The following PTPRN2 variants were observed in gnomAD, a reference collection of about 807,000 sequenced individuals.
PTPRN2 encodes receptor-type tyrosine-protein phosphatase N2.
In PTPRN2, 74 loss-of-function variants were observed where a neutral mutation model predicts 118.8. That is an observed-to-expected ratio of 0.62 (90% CI 0.52 to 0.76). The LOEUF is 0.76. PTPRN2 is among the 30% of genes least tolerant of loss of function. PTPRN2 has a pLI of 0.00. For missense variants in PTPRN2, 1,481 were observed against 1,394.4 expected (o/e 1.06, Z -0.99); for synonymous variants, 641 against 608.0 (o/e 1.05, Z -0.80).
At chr7:158,059,798 C>T (rs1240899310) in intron 11 of PTPRN2, among the ~76,000 whole-genome samples, 3 of 130,406 alleles carry the variant, frequency 2.3e-5, no homozygotes, top group South Asian at 2.7e-4. Context: ...CATCTGCCCA[C>T]GGTGAGACAT....
intron 2 of PTPRN2, among the ~76,000 whole-genome samples, chr7:158,328,271 C>G (rs1046539698): frequency 6.6e-6 from 1 of 152,226 alleles, no homozygotes; most frequent in African/African-American, 2.4e-5. Context: ...CACTGGCTCA[C>G]CACACACCCA....
intron 11 of PTPRN2, among the ~76,000 whole-genome samples, chr7:158,049,622 G>A (rs767576615): frequency 6.6e-5 from 10 of 152,310 alleles, no homozygotes; most frequent in Admixed American, 3.3e-4. Context: ...ACCTGAGGCC[G>A]GGCGCAGGGG....
chr7:158,181,445 G>A (rs1311859662), intron 5 of PTPRN2, among the ~76,000 whole-genome samples: 1 of 152,130 alleles, frequency 6.6e-6, no homozygotes, highest in Non-Finnish European at 1.5e-5. Flanking sequence ...GAGTGATACT[G>A]GCTTCATAGA....
intron 21 of PTPRN2, among the ~76,000 whole-genome samples, chr7:157,549,792 C>T (rs908761730): frequency 2.6e-5 from 4 of 152,296 alleles, no homozygotes; most frequent in South Asian, 2.1e-4. Context: ...AGGACACAGC[C>T]GCCAGGATGA....
chr7:157,631,785 T>C (rs1803969915), intron 14 of PTPRN2, among the ~76,000 whole-genome samples: 2 of 151,686 alleles, frequency 1.3e-5, no homozygotes, highest in Admixed American at 1.3e-4. Flanking sequence ...TGAGCCGAGA[T>C]TGTGCCACTG....
intron 3 of PTPRN2, among the ~76,000 whole-genome samples, chr7:158,269,719 A>G (rs1367218021): frequency 6.6e-6 from 1 of 151,798 alleles, no homozygotes; most frequent in Non-Finnish European, 1.5e-5. Flanking sequence ...GGCTGGGACC[A>G]AGAGACAGAA....
chr7:157,962,793 A>G (rs1366339693), intron 11 of PTPRN2, among the ~76,000 whole-genome samples: 2 of 152,222 alleles, frequency 1.3e-5, no homozygotes. Context: ...TCACCCCAGA[A>G]GGAATTTACA....
chr7:157,597,030 G>A (rs188036564), intron 16 of PTPRN2, among the ~76,000 whole-genome samples: 3 of 152,260 alleles, frequency 2.0e-5, no homozygotes, highest in East Asian at 1.9e-4. Context: ...GTGAGTCCCC[G>A]TGCAGCCGTC....
intron 13 of PTPRN2, among the ~76,000 whole-genome samples, chr7:157,661,676 ATGG>A (rs1174551863): frequency 6.6e-6 from 1 of 151,910 alleles, no homozygotes; most frequent in East Asian, 1.9e-4. Flanking sequence ...GAGGAACGGG[ATGG>A]TGGGGAAGCC....
intron 12 of PTPRN2, among the ~76,000 whole-genome samples, chr7:157,810,916 C>T (rs1192266417): frequency 6.6e-6 from 1 of 152,112 alleles, no homozygotes; most frequent in Non-Finnish European, 1.5e-5. Flanking sequence ...GAAGACTGAG[C>T]ACTGAGGGTC....
intron 12 of PTPRN2, among the ~76,000 whole-genome samples, chr7:157,875,851 G>A (rs1373280507): frequency 3.4e-5 from 5 of 149,250 alleles, no homozygotes; most frequent in Non-Finnish European, 7.4e-5. Flanking sequence ...GGCGTCCCCA[G>A]GGCAGGCACG....
chr7:158,029,241 C>T (rs1463370399), intron 11 of PTPRN2: 2 of 150,604 alleles, frequency 1.3e-5, no homozygotes, highest in Non-Finnish European at 3.0e-5. Flanking sequence ...TCCGTATCCT[C>T]TCGCCGGGGG....
chr7:158,467,452 G>A (rs1301595113), intron 2 of PTPRN2, among the ~76,000 whole-genome samples: 1 of 152,160 alleles, frequency 6.6e-6, no homozygotes, highest in Non-Finnish European at 1.5e-5. Context: ...CAGCTTTTCA[G>A]TTTGATATAG....
At chr7:158,341,863 G>A (rs56381306) in intron 2 of PTPRN2, among the ~76,000 whole-genome samples, 1 of 84,742 alleles carries the variant, frequency 1.2e-5, no homozygotes, top group East Asian at 3.9e-4. Flanking sequence ...ATAAGAGTGT[G>A]CCCCGCAGGC....
intron 6 of PTPRN2, among the ~76,000 whole-genome samples, chr7:158,146,237 T>G (rs1819975467): frequency 6.6e-6 from 1 of 152,116 alleles, no homozygotes; most frequent in South Asian, 2.1e-4. Context: ...TAATTCAAGA[T>G]TATGCATTTT....
At chr7:158,084,630 T>A (rs1813111683) in intron 10 of PTPRN2, among the ~76,000 whole-genome samples, 2 of 151,670 alleles carry the variant, frequency 1.3e-5, no homozygotes, top group South Asian at 4.2e-4. Flanking sequence ...AGGACGCCCA[T>A]CCACACCCAC....
At chr7:158,505,889 C>A (rs1355832362) in intron 1 of PTPRN2, among the ~76,000 whole-genome samples, 1 of 152,198 alleles carries the variant, frequency 6.6e-6, no homozygotes. Context: ...TCCAGTAATC[C>A]CAAGTGGTGG....
chr7:158,419,193 G>A (rs1025242433), intron 2 of PTPRN2, among the ~76,000 whole-genome samples: 3 of 152,210 alleles, frequency 2.0e-5, no homozygotes, highest in African/African-American at 7.2e-5. Flanking sequence ...GGAGCCTGAA[G>A]ACATGTGTCC....
At chr7:158,553,118 C>G (rs957660534) in intron 1 of PTPRN2, among the ~76,000 whole-genome samples, 1 of 151,936 alleles carries the variant, frequency 6.6e-6, no homozygotes, top group Non-Finnish European at 1.5e-5. Context: ...TCTACACCAC[C>G]TTCCCCATGT....
Sources: gnomAD v4.1 joint callset for allele counts (sites outside exome capture counted in the v4.1 genomes callset) on GRCh38, gnomAD v4.1.1 for gene constraint, MANE v1.5 for transcripts, NCBI Gene and HGNC (gene_info 2026-07-23, HGNC 2026-07-21) for gene names.